STARD9: variants seen among roughly 807,000 people sequenced by gnomAD.
The protein encoded by STARD9 is StAR related lipid transfer domain containing 9, also known as stAR-related lipid transfer protein 9.
A neutral mutation model predicts 399.8 loss-of-function variants in STARD9; 346 were observed. That is an observed-to-expected ratio of 0.87 (90% CI 0.79 to 0.95). The LOEUF (loss-of-function observed/expected upper bound fraction) is 0.95. Ranked by LOEUF, STARD9 falls within the 40% of genes least tolerant of loss-of-function variation. The pLI, the probability that STARD9 is intolerant of heterozygous loss-of-function variation, is 0.00. For missense variants in STARD9, 5,832 were observed against 5,667.5 expected (o/e 1.03, Z -0.93); for synonymous variants, 2,203 against 2,143.5 (o/e 1.03, Z -0.77).
intron 9 of STARD9, among the ~76,000 whole-genome samples, chr15:42,658,184 A>C (rs2059913695): frequency 6.6e-6 from 1 of 152,090 alleles, no homozygotes; most frequent in South Asian, 2.1e-4. Flanking sequence ...ACACTCTGTC[A>C]CCCAGGCTAG....
chr15:42,681,290 T>A, intron 20 of STARD9, 132 bp from the exon 21 acceptor site: 1 of 852,638 alleles, frequency 1.2e-6, no homozygotes, highest in Non-Finnish European at 1.7e-6. Flanking sequence ...TTGTCCAAGG[T>A]TGCCAGAAGT....
intron 15 of STARD9, among the ~76,000 whole-genome samples, chr15:42,666,266 T>C (rs1420959710): frequency 6.6e-6 from 1 of 152,220 alleles, no homozygotes; most frequent in Non-Finnish European, 1.5e-5. Context: ...TCATGAACCA[T>C]GTGATTTAGC....
At position 42,638,769 on chromosome 15, in the gene STARD9, C is replaced by T. The variant is rs1191481038; in HGVS notation, c.516C>T (p.Thr172=). Residue 172 remains threonine (T), a synonymous_variant, in exon 7 of 33, where the codon ACC becomes ACT. Transcript: ENST00000290607. The part of the protein sequence containing the change: ...LKQSGQKKSY[T]LRVREHPEMG... ...AATCTGGTCAAAAAAAGTCCTATACCCTGCGGGTCAGGGAGCATCCAGAGA... is the reference window on the plus strand; with the variant it reads ...AATCTGGTCAAAAAAAGTCCTATACTCTGCGGGTCAGGGAGCATCCAGAGA... 4 of 1,536,360 alleles carry T rather than the reference C, an allele frequency of 2.6e-6. No individual in the cohort carries two copies. Among genetic ancestry groups the T allele is most frequent in the Admixed American group, 2.0e-5 (1 of 50,964 alleles).
At chr15:42,642,032 T>C (rs1204940533) in intron 7 of STARD9, among the ~76,000 whole-genome samples, 2 of 152,120 alleles carry the variant, frequency 1.3e-5, no homozygotes, top group Non-Finnish European at 2.9e-5. Context: ...TAGTAAACTT[T>C]TTTAAAAAAA....
At chr15:42,660,523 C>T (rs1374589374) in intron 9 of STARD9, among the ~76,000 whole-genome samples, 1 of 151,380 alleles carries the variant, frequency 6.6e-6, no homozygotes, top group Non-Finnish European at 1.5e-5. Context: ...CGAGATCGTG[C>T]CATTGCACTC....
At chr15:42,644,361 C>T (rs560061012) in intron 7 of STARD9, among the ~76,000 whole-genome samples, 36 of 152,026 alleles carry the variant, frequency 2.4e-4, no homozygotes, top group Non-Finnish European at 4.6e-4. Flanking sequence ...GGTGTGGTGG[C>T]GGGCACCTGT....
At chr15:42,682,628 T>C (rs1342235275) in intron 22 of STARD9, 53 bp downstream of exon 22, 2 of 1,410,130 alleles carry the variant, frequency 1.4e-6, no homozygotes, top group Non-Finnish European at 1.9e-6. Context: ...TACAACCTTC[T>C]TGCCCAGGTA....
At chr15:42,713,746 C>T (rs533164040) in intron 26 of STARD9, among the ~76,000 whole-genome samples, 5 of 152,152 alleles carry the variant, frequency 3.3e-5, no homozygotes, top group African/African-American at 7.2e-5. Flanking sequence ...CCTACTTGCT[C>T]GTGATATATG....
At chr15:42,704,064 C>T (rs557733039) in intron 26 of STARD9, among the ~76,000 whole-genome samples, 4 of 152,130 alleles carry the variant, frequency 2.6e-5, no homozygotes, top group East Asian at 3.9e-4. Flanking sequence ...CCTGACACAG[C>T]GCCCGGCTAA....
At chr15:42,663,137 T>C in intron 11 of STARD9, 144 bp from the exon 12 acceptor site, 1 of 860,182 alleles carries the variant, frequency 1.2e-6, no homozygotes, top group East Asian at 2.7e-5. Context: ...CTAAAGTCTT[T>C]AGGAATACCT....
At chr15:42,638,111 A>T (rs1310542710) in intron 6 of STARD9, 24 bp downstream of exon 6, 1 of 1,531,820 alleles carries the variant, frequency 6.5e-7, no homozygotes, top group Non-Finnish European at 8.7e-7. Context: ...AAGCTCTGGG[A>T]CCTACAGTAG....
chr15:42,673,507 T>C (rs534026010), intron 16 of STARD9, among the ~76,000 whole-genome samples: 1 of 152,288 alleles, frequency 6.6e-6, no homozygotes, highest in East Asian at 1.9e-4. Flanking sequence ...TGATTTCTAG[T>C]TATAGCTCTT....
chr15:42,718,786 A>G lies in STARD9; in HGVS notation c.13877A>G (p.Tyr4626Cys). Residue 4626 changes from tyrosine (Y) to cysteine (C), a missense_variant, in exon 32 of 33, where the codon TAT becomes TGT. This residue lies in a region of STARD9 where 5,828 missense variants were observed against 5,651.1 expected (regional missense o/e 1.03). Coordinates refer to ENST00000290607, the MANE Select transcript of STARD9 (RefSeq NM_020759.3). ...TCTGTCATGGCAGCCCAGTCTGTGT[A>G]TGATACATCCATGCCAAGACCCAGC... is the stretch of plus-strand genomic sequence containing the variant. ...HLSVMAAQSV[Y>C]DTSMPRPSRK... 1.3e-6 allele frequency: 2 copies of G among 1,537,242 alleles called. No homozygotes were observed. Among genetic ancestry groups the G allele is most frequent in the Non-Finnish European group, 1.7e-6 (2 of 1,146,914 alleles).
chr15:42,708,178 A>G (rs1407804511), intron 26 of STARD9, among the ~76,000 whole-genome samples: 6 of 152,176 alleles, frequency 3.9e-5, no homozygotes, highest in Admixed American at 2.6e-4. Flanking sequence ...CTTTTGAATC[A>G]TCTTTTAAAG....
rs968452185 is a variant in STARD9 at position 42,687,658 on chromosome 15, A to T, written c.6080A>T (p.Asn2027Ile). ...GAATGCAAGTCACAAGAAATGTTAA[A>T]TCCCAACAGAGAACCTTCTGGAAAG... ...PSECKSQEML[N>I]PNREPSGKKQ... Residue 2027 changes from asparagine (N) to isoleucine (I), a missense_variant, in exon 23 of 33, where the codon AAT becomes ATT. Asn to Ile is a moderately radical substitution (Grantham distance 149). This residue lies in a region of STARD9 where 5,828 missense variants were observed against 5,651.1 expected (regional missense o/e 1.03). Transcript: ENST00000290607. 1 of 1,537,042 alleles carries T rather than the reference A, an allele frequency of 6.5e-7. No homozygotes were observed. Among genetic ancestry groups the T allele is most frequent in the Non-Finnish European group, 8.7e-7 (1 of 1,146,916 alleles).
intron 13 of STARD9, 33 bp downstream of exon 13, chr15:42,663,950 A>C (rs2060039682): frequency 1.5e-6 from 2 of 1,357,736 alleles, no homozygotes; most frequent in African/African-American, 2.9e-5. Context: ...GGTCTGGTAT[A>C]GTTTACACAA....
At chr15:42,675,458 C>T in intron 18 of STARD9, 1 of 558,490 alleles carries the variant, frequency 1.8e-6, no homozygotes, top group South Asian at 2.1e-5. Flanking sequence ...AACTTCCTTT[C>T]CCTTGGAATA....
At chr15:42,658,238 G>A (rs1167150273) in intron 9 of STARD9, among the ~76,000 whole-genome samples, 2 of 151,680 alleles carry the variant, frequency 1.3e-5, no homozygotes, top group Admixed American at 1.3e-4. Flanking sequence ...TCAACCTCCC[G>A]GGCTCAAGTG....
rs779716811 is a variant in STARD9 at position 42,638,027 on chromosome 15, G to T, written c.386G>T (p.Gly129Val). Reference sequence around the variant, plus strand: ...ACCCCAACCCTCTGGTTTGTGCAGGGTCTCTTCGTCAGGGAGAAAGACTGT... The same window carrying T: ...ACCCCAACCCTCTGGTTTGTGCAGGTTCTCTTCGTCAGGGAGAAAGACTGT... ...SVGLTPRICE[G>V]LFVREKDCAS... Residue 129 changes from glycine to valine, a missense_variant and splice_region_variant, in exon 6 of 33, where the codon GGT (glycine) becomes GTT (valine). By Grantham distance (109) the Gly-to-Val change is moderately radical. This residue lies in a region of STARD9 where 5,828 missense variants were observed against 5,651.1 expected (regional missense o/e 1.03). Transcript: ENST00000290607. The T allele has an allele frequency of 1.3e-6, 2 of 1,537,382 alleles. No homozygotes were observed. Among genetic ancestry groups the T allele is most frequent in the South Asian group, 1.2e-5 (1 of 84,060 alleles).
Sources: gnomAD v4.1 joint callset for allele counts (sites outside exome capture counted in the v4.1 genomes callset) on GRCh38, gnomAD v4.1.1 for gene constraint, gnomAD v4.1.1 regional missense constraint, MANE v1.5 for transcripts, NCBI Gene and HGNC (gene_info 2026-07-23, HGNC 2026-07-21) for gene names.